The following SOX5 variants were observed in gnomAD, a reference collection of about 807,000 sequenced individuals.
SOX5 encodes SRY-box transcription factor 5.
In SOX5, 9 loss-of-function variants were observed where a neutral mutation model predicts 92.0. That is an observed-to-expected ratio of 0.10 (90% CI 0.06 to 0.17). The LOEUF is 0.17. SOX5 is among the 10% of genes least tolerant of loss of function. SOX5 has a pLI of 1.00. For missense variants in SOX5, 642 were observed against 944.5 expected, an observed-to-expected ratio of 0.68 and a Z score of 4.20; for synonymous variants, 344 against 336.3, an observed-to-expected ratio of 1.02 and a Z score of -0.25.
At chr12:24,072,458 G>A (rs1388218705) in intron 4 of SOX5, among the ~76,000 whole-genome samples, 1 of 152,194 alleles carries the variant, frequency 6.6e-6, no homozygotes, top group African/African-American at 2.4e-5. Flanking sequence ...GTGTTGGCAG[G>A]AAATATGAAG....
intron 1 of SOX5, among the ~76,000 whole-genome samples, chr12:24,520,528 C>T (rs1950179258): frequency 6.6e-6 from 1 of 150,964 alleles, no homozygotes; most frequent in Non-Finnish European, 1.5e-5. Flanking sequence ...CAAATATACA[C>T]TACAGAAAAG....
At chr12:23,741,877 A>G (rs2093809826) in intron 4 of SOX5, among the ~76,000 whole-genome samples, 1 of 152,182 alleles carries the variant, frequency 6.6e-6, no homozygotes. Flanking sequence ...TATTTAAAAC[A>G]TGCCAATGAA....
At chr12:23,858,839 T>C (rs1355633468) in intron 2 of SOX5, among the ~76,000 whole-genome samples, 1 of 152,198 alleles carries the variant, frequency 6.6e-6, no homozygotes, top group Non-Finnish European at 1.5e-5. Flanking sequence ...ACTGTGAAGA[T>C]TTCATGGACA....
chr12:23,769,747 G>C (rs2094861307), intron 3 of SOX5, among the ~76,000 whole-genome samples: 1 of 152,204 alleles, frequency 6.6e-6, no homozygotes, highest in African/African-American at 2.4e-5. Context: ...TTTCCCATCA[G>C]GAAGTAAAGG....
intron 3 of SOX5, among the ~76,000 whole-genome samples, chr12:23,805,673 AAT>A (rs1411091590): frequency 6.6e-6 from 1 of 152,158 alleles, no homozygotes; most frequent in African/African-American, 2.4e-5. Context: ...GGCCAAACAC[AAT>A]ATGTTAGAAA....
chr12:23,746,190 A>G (rs10771023), intron 4 of SOX5, among the ~76,000 whole-genome samples: 150,520 of 152,246 alleles, frequency 0.99, 74,433 homozygotes, highest in Middle Eastern at 1. Context: ...GCTTAGAGAG[A>G]ACTTAATAAG....
chr12:24,391,507 C>A (rs1006978992), intron 1 of SOX5, among the ~76,000 whole-genome samples: 1 of 152,122 alleles, frequency 6.6e-6, no homozygotes, highest in Non-Finnish European at 1.5e-5. Context: ...AACGGTGGCA[C>A]CTAACTACAG....
chr12:23,608,862 T>A (rs1405938729), intron 8 of SOX5, among the ~76,000 whole-genome samples: 2 of 152,106 alleles, frequency 1.3e-5, no homozygotes, highest in Non-Finnish European at 1.5e-5. Context: ...AGGCAACATA[T>A]ATGTGCTGAC....
chr12:24,153,170 GCAGA>G (rs1319584140), intron 4 of SOX5, among the ~76,000 whole-genome samples: 2 of 152,072 alleles, frequency 1.3e-5, no homozygotes, highest in Non-Finnish European at 2.9e-5. Flanking sequence ...AGCATCACAA[GCAGA>G]CAAAGAAATT....
chr12:23,634,488 A>T (rs1053951834), intron 8 of SOX5, among the ~76,000 whole-genome samples: 1 of 151,796 alleles, frequency 6.6e-6, no homozygotes, highest in African/African-American at 2.4e-5. Context: ...AGCTAGAGAG[A>T]ACAGCTAGCA....
At chr12:24,001,233 G>A (rs1431436184) in intron 4 of SOX5, among the ~76,000 whole-genome samples, 1 of 151,976 alleles carries the variant, frequency 6.6e-6, no homozygotes, top group African/African-American at 2.4e-5. Flanking sequence ...TGGGACCACA[G>A]GTGCACATCA....
intron 4 of SOX5, among the ~76,000 whole-genome samples, chr12:23,966,252 T>TAAAGG (rs1947571790): frequency 1.0e-5 from 1 of 95,856 alleles, no homozygotes; most frequent in African/African-American, 3.4e-5. Context: ...GCTGTTTGGG[T>TAAAGG]AAAGGGCCTG....
At chr12:24,072,914 C>T (rs1941993144) in intron 4 of SOX5, among the ~76,000 whole-genome samples, 1 of 151,996 alleles carries the variant, frequency 6.6e-6, no homozygotes, top group African/African-American at 2.4e-5. Flanking sequence ...TTAAAGAAAA[C>T]ATAGATAAGT....
chr12:24,197,184 A>T (rs541844230), intron 4 of SOX5, among the ~76,000 whole-genome samples: 73 of 152,190 alleles, frequency 4.8e-4, no homozygotes, highest in Non-Finnish European at 7.1e-4. Context: ...ATCTTGGGTG[A>T]TGCCTCAGGT....
intron 3 of SOX5, among the ~76,000 whole-genome samples, chr12:24,216,955 G>T (rs950540068): frequency 6.6e-6 from 1 of 152,080 alleles, no homozygotes. Flanking sequence ...ACGAACATGA[G>T]GCTTGAATTG....
chr12:24,164,767 T>A (rs1377860203), intron 4 of SOX5, among the ~76,000 whole-genome samples: 1 of 152,098 alleles, frequency 6.6e-6, no homozygotes, highest in African/African-American at 2.4e-5. Flanking sequence ...ATTCCCCTAC[T>A]TTTCTGTTTT....
At chr12:24,283,978 A>C (rs997738177) in intron 2 of SOX5, among the ~76,000 whole-genome samples, 1 of 152,216 alleles carries the variant, frequency 6.6e-6, no homozygotes, top group Non-Finnish European at 1.5e-5. Flanking sequence ...GAAGTCATGT[A>C]AATGGAAGTG....
chr12:23,813,378 G>C (rs895476778), intron 3 of SOX5, among the ~76,000 whole-genome samples: 1 of 152,090 alleles, frequency 6.6e-6, no homozygotes. Context: ...GCAGCCATCT[G>C]TCTCAGCTTG....
At chr12:24,374,516 T>TACACAC (rs148748308) in intron 1 of SOX5, among the ~76,000 whole-genome samples, 3 of 146,408 alleles carry the variant, frequency 2.0e-5, no homozygotes, top group African/African-American at 7.4e-5. Context: ...CACACACACA[T>TACACAC]ACACACACAC....
Sources: allele counts gnomAD v4.1 joint callset (sites outside exome capture counted in the v4.1 genomes callset), GRCh38; gene constraint gnomAD v4.1.1; transcripts MANE v1.5; gene names NCBI Gene and HGNC (gene_info 2026-07-23, HGNC 2026-07-21).